The following ZNF316 variants were observed in gnomAD, a reference collection of about 807,000 sequenced individuals.
ZNF316 encodes the protein zinc finger protein 316.
A neutral mutation model predicts 75.6 loss-of-function variants in ZNF316; 23 were observed. The observed-to-expected ratio is 0.30, with a 90% CI of 0.22 to 0.43. The LOEUF (loss-of-function observed/expected upper bound fraction) is 0.43. ZNF316 is among the 20% of genes least tolerant of loss of function. ZNF316 has a pLI of 1.00. For missense variants in ZNF316, 1,266 were observed against 1,409.4 expected, an observed-to-expected ratio of 0.90 and a Z score of 1.63; for synonymous variants, 827 against 666.2, an observed-to-expected ratio of 1.24 and a Z score of -3.72.
rs925478405 is a variant in ZNF316, at chr7:6,637,331, A to T, written c.-547A>T. 2 of 149,202 alleles carry T rather than the reference A, an allele frequency of 1.3e-5. No individual in the cohort carries two copies. Among genetic ancestry groups the T allele is most frequent in the African/African-American group, 4.9e-5 (2 of 40,706 alleles). The allele number at this position is 149,202 out of a possible 1,614,324, so 9.2% of individuals were successfully genotyped here. A position where few individuals can be genotyped will look rare whatever the true frequency, so the allele number is the denominator to read the frequency against. ...CCGGCCGGCGGTACTTCCGGTGCCC[A>T]CGCGCCGCCGTCGCGCAGCTCCCGG... is the stretch of plus-strand genomic sequence containing the variant. On this transcript the variant is annotated 5_prime_UTR_variant, in exon 1 of 9. Transcript: ENST00000382252. The surrounding 1 kb of genome is among the most constrained non-coding windows in gnomAD (Gnocchi z 6.2).
rs1026736131 is a variant in ZNF316 at position 6,639,464 on chromosome 7, C to G, written c.-167+323C>G. On this transcript the variant is annotated intron_variant, in intron 3 of 8. Coordinates refer to ENST00000382252, the MANE Select transcript of ZNF316 (RefSeq NM_001278559.2). The surrounding 1 kb of genome is among the most constrained non-coding windows in gnomAD (Gnocchi z 4.2). ...GGAAGAATTACAGGGAACTGTGTCA[C>G]CCACTGGGGCCCAGGGGGCTGCCTC... Among the ~76,000 whole-genome samples, 7 of 152,134 alleles carry G rather than the reference C, an allele frequency of 4.6e-5. No individual in the cohort carries two copies. Among genetic ancestry groups the G allele is most frequent in the Non-Finnish European group, 1.0e-4 (7 of 68,030 alleles).
intron 2 of ZNF316, among the ~76,000 whole-genome samples, chr7:6,638,431 T>C (rs1473354322): frequency 6.6e-6 from 1 of 152,188 alleles, no homozygotes; most frequent in Non-Finnish European, 1.5e-5. Flanking sequence ...TGAAGGGGGC[T>C]AGACACAAGC....
chr7:6,646,037 C>T (rs1237718415), intron 8 of ZNF316, among the ~76,000 whole-genome samples: 1 of 151,572 alleles, frequency 6.6e-6, no homozygotes, highest in Non-Finnish European at 1.5e-5. Flanking sequence ...AGAACTCCCT[C>T]ACTATCATGA....
Position 6,654,855 on chromosome 7 carries a change from A to C in ZNF316, c.*244A>C. The C allele has an allele frequency of 1.8e-5, 5 of 273,590 alleles. No individual in the cohort carries two copies. Among genetic ancestry groups the C allele is most frequent in the South Asian group, 1.7e-4 (1 of 5,938 alleles). 16.9% of individuals were successfully genotyped at this position (273,590 alleles called of 1,614,324 possible). On this transcript the variant is annotated 3_prime_UTR_variant, in exon 9 of 9. Coordinates refer to ENST00000382252, the MANE Select transcript of ZNF316 (RefSeq NM_001278559.2). ...GCAGCGAGGCCAGGACGTCACCCCC[A>C]CGGAGACTGCGATATCCCCTGGGTG...
At chr7:6,652,268 A>C (rs1583446434) in intron 8 of ZNF316, 35 bp from the exon 9 acceptor site, 2 of 1,231,958 alleles carry the variant, frequency 1.6e-6, no homozygotes, top group Non-Finnish European at 2.0e-6. Flanking sequence ...AAGTTCACTT[A>C]CCTCTCTCTT....
In ZNF316 at chr7:6,656,986, A is replaced by C. The variant is rs567985074; in HGVS notation, c.*2375A>C. Among the ~76,000 whole-genome samples, 20 of 152,280 alleles carry C rather than the reference A, an allele frequency of 1.3e-4. No individual in the cohort carries two copies. In the South Asian group the frequency reaches 2.1e-3, roughly 16 times the overall value. ...GAAAAATAAGAACTGCTGTAATCAA[A>C]TGTGATCTGGAGGCATCAGAACAGA... On this transcript the variant is annotated 3_prime_UTR_variant, in exon 9 of 9. Coordinates refer to ENST00000382252, the MANE Select transcript of ZNF316 (RefSeq NM_001278559.2).
chr7:6,644,342 C>T, intron 7 of ZNF316, 138 bp from the exon 8 acceptor site: 1 of 434,890 alleles, frequency 2.3e-6, no homozygotes, highest in Non-Finnish European at 3.8e-6. Flanking sequence ...CCGCCTGGAC[C>T]CTCCAGAGCA....
Position 6,658,066 on chromosome 7 carries a change from TC to T in ZNF316, c.*3459del, listed in dbSNP as rs1779657139. Among the ~76,000 whole-genome samples the T allele has an allele frequency of 1.3e-5, 2 of 152,060 alleles. No individual in the cohort carries two copies. The highest frequency in any genetic ancestry group is 2.9e-5 in the Non-Finnish European group (2 of 68,026). On this transcript the variant is annotated 3_prime_UTR_variant, in exon 9 of 9. Transcript: ENST00000382252. Reference sequence around the variant, plus strand: ...GGTCCCTCAGCCCTGAGCGTCACTTTCCCCTCCATCTACCTTTGTTATTTCC... The same window carrying T: ...GGTCCCTCAGCCCTGAGCGTCACTTTCCCTCCATCTACCTTTGTTATTTCC...
chr7:6,652,953 G>A lies in ZNF316; in HGVS notation c.1357G>A (p.Gly453Ser), dbSNP rs2115319735. ...YLVTHQRTHTGERPYPCSHCG... is the reference protein window; with the variant it reads ...YLVTHQRTHTSERPYPCSHCG... ...GGTCACGCACCAGCGCACGCACACC[G>A]GCGAGCGACCCTACCCGTGTTCGCA... Residue 453 changes from glycine to serine, a missense_variant, in exon 9 of 9, where the codon GGC becomes AGC. Transcript: ENST00000382252. 8.0e-7 allele frequency: 1 copy of A among 1,243,446 alleles called. No individual in the cohort carries two copies. Among genetic ancestry groups the A allele is most frequent in the Non-Finnish European group, 1.0e-6 (1 of 993,260 alleles). The allele number at this position is 1,243,446 out of a possible 1,614,324, so 77.0% of individuals were successfully genotyped here. A position where few individuals can be genotyped will look rare whatever the true frequency, so the allele number is the denominator to read the frequency against.
chr7:6,652,641 G>C lies in ZNF316; in HGVS notation c.1045G>C (p.Val349Leu), dbSNP rs1583446787. 1.6e-6 allele frequency: 2 copies of C among 1,230,824 alleles called. No individual in the cohort carries two copies. Among genetic ancestry groups the C allele is most frequent in the Non-Finnish European group, 2.0e-6 (2 of 987,190 alleles). 76.2% of individuals were successfully genotyped at this position (1,230,824 alleles called of 1,614,324 possible). ...CGGGAGGCCGGAGACCACGTGCGAC[G>C]TGTGCGGCAAGGTCTTCCCGCACCG... ...PAGRPETTCD[V>L]CGKVFPHRSR... The change falls in exon 9 of 9, where the codon GTG becomes CTG. Residue 349 changes from valine to leucine, a missense_variant. Around this residue, in one of 3 missense-constraint regions of ZNF316, gnomAD observed 961 missense variants for 990.9 expected, o/e 0.97. Coordinates refer to ENST00000382252, the MANE Select transcript of ZNF316 (RefSeq NM_001278559.2).
rs1197926425 is a variant in ZNF316, at chr7:6,653,366, C to A, written c.1770C>A (p.Gly590=). Residue 590 remains glycine (G), a synonymous_variant, in exon 9 of 9, where the codon GGC becomes GGA. Transcript: ENST00000382252. ...GCAACGGCCTGGGGGAGGGCGAAGG[C>A]CCCTCCTCCCACCCGCTGGGCTTCC... The part of the protein sequence containing the change: ...ELGNGLGEGE[G]PSSHPLGFHF... 8.2e-7 allele frequency: 1 copy of A among 1,226,230 alleles called. No individual in the cohort carries two copies. Among genetic ancestry groups the A allele is most frequent in the South Asian group, 4.1e-5 (1 of 24,306 alleles). The allele number at this position is 1,226,230 out of a possible 1,614,324, so 76.0% of individuals were successfully genotyped here.
chr7:6,638,344 G>A (rs1328301216), intron 2 of ZNF316, among the ~76,000 whole-genome samples: 37 of 152,294 alleles, frequency 2.4e-4, no homozygotes, highest in Non-Finnish European at 2.9e-5. Context: ...GGACTGTGGT[G>A]GTCGGGGAAG....
chr7:6,651,298 C>T (rs563516032), intron 8 of ZNF316, among the ~76,000 whole-genome samples: 10 of 151,136 alleles, frequency 6.6e-5, no homozygotes, highest in East Asian at 2.0e-4. Flanking sequence ...TGCGGTGGGC[C>T]GAGATTCGGC....
chr7:6,642,160 C>G lies in ZNF316; in HGVS notation c.-29+198C>G. ...TGAGACTGGCATCCCAGGGGTCACGCGGAGGGGCCATTGGGGCAGCCTTTC... is the reference window on the plus strand; with the variant it reads ...TGAGACTGGCATCCCAGGGGTCACGGGGAGGGGCCATTGGGGCAGCCTTTC... On this transcript the variant is annotated intron_variant, in intron 4 of 8. Transcript: ENST00000382252. The surrounding 1 kb of genome is among the most constrained non-coding windows in gnomAD (Gnocchi z 8.1). The G allele has an allele frequency of 2.7e-6, 1 of 374,212 alleles. No homozygotes were observed. Among genetic ancestry groups the G allele is most frequent in the Non-Finnish European group, 4.8e-6 (1 of 210,484 alleles). 23.2% of individuals were successfully genotyped at this position (374,212 alleles called of 1,614,324 possible). A position where few individuals can be genotyped will look rare whatever the true frequency, so the allele number is the denominator to read the frequency against.
chr7:6,654,498 C>T lies in ZNF316; in HGVS notation c.2902C>T (p.Pro968Ser), dbSNP rs1562585098. 8.5e-7 allele frequency: 1 copy of T among 1,178,966 alleles called. No individual in the cohort carries two copies. 73.0% of individuals were successfully genotyped at this position (1,178,966 alleles called of 1,614,324 possible). A position where few individuals can be genotyped will look rare whatever the true frequency, so the allele number is the denominator to read the frequency against. The change falls in exon 9 of 9, where the codon CCC (proline) becomes TCC (serine). Residue 968 changes from proline (P) to serine (S), a missense_variant. By Grantham distance (74) the Pro-to-Ser change is moderately conservative. Coordinates refer to ENST00000382252, the MANE Select transcript of ZNF316 (RefSeq NM_001278559.2). ...AAAKGPSSAG[P>S]GERGSALLEF... ...CGCCAAGGGGCCGTCCAGTGCCGGCCCCGGTGAGCGCGGCAGCGCCCTGCT... is the reference window on the plus strand; with the variant it reads ...CGCCAAGGGGCCGTCCAGTGCCGGCTCCGGTGAGCGCGGCAGCGCCCTGCT...
At position 6,640,971 on chromosome 7, in the gene ZNF316, C is replaced by G. The variant is rs142736743; in HGVS notation, c.-166-854C>G. On this transcript the variant is annotated intron_variant, in intron 3 of 8. Coordinates refer to ENST00000382252, the MANE Select transcript of ZNF316 (RefSeq NM_001278559.2). This position sits in a 1 kb window ranked among gnomAD's most constrained non-coding sequence, Gnocchi z 5.1. Reference sequence around the variant, plus strand: ...CTGTTGAACTGTGAGTGAATGAAACCTTTTTTCTTTGCCACTTACTCAGCC... The same window carrying G: ...CTGTTGAACTGTGAGTGAATGAAACGTTTTTTCTTTGCCACTTACTCAGCC... Among the ~76,000 whole-genome samples the G allele has an allele frequency of 9.9e-4, 151 of 152,288 alleles. 1 individual carries two copies. Among genetic ancestry groups the G allele is most frequent in the African/African-American group, 2.8e-3 (115 of 41,558 alleles).
Position 6,642,674 on chromosome 7 carries a change from G to A in ZNF316, c.265G>A (p.Val89Met). 8.1e-7 allele frequency: 1 copy of A among 1,236,824 alleles called. No individual in the cohort carries two copies. Among genetic ancestry groups the A allele is most frequent in the Non-Finnish European group, 1.0e-6 (1 of 991,250 alleles). 76.6% of individuals were successfully genotyped at this position (1,236,824 alleles called of 1,614,324 possible). The change falls in exon 5 of 9, where the codon GTG becomes ATG. Residue 89 changes from valine to methionine, a missense_variant. By Grantham distance (21) the Val-to-Met change is conservative. Around this residue, in one of 3 missense-constraint regions of ZNF316, gnomAD observed 961 missense variants for 990.9 expected, o/e 0.97. Coordinates refer to ENST00000382252, the MANE Select transcript of ZNF316 (RefSeq NM_001278559.2). The surrounding 1 kb of genome is among the most constrained non-coding windows in gnomAD (Gnocchi z 8.1). ...ADVEEEDVKE[V>M]LAEEECPALG... Reference sequence around the variant, plus strand: ...CGTGGAGGAGGAGGATGTGAAGGAGGTGCTGGCAGAGGAGGAGTGTCCGGC... The same window carrying A: ...CGTGGAGGAGGAGGATGTGAAGGAGATGCTGGCAGAGGAGGAGTGTCCGGC...
In ZNF316 at chr7:6,651,220, G is replaced by A. The variant is rs191828863; in HGVS notation, c.707-1083G>A. ...TCATCATCATCATCATCATCTGGGC[G>A]CACGCCTGTAACTCCAGTTACTCGG... On this transcript the variant is annotated intron_variant, in intron 8 of 8. Coordinates refer to ENST00000382252, the MANE Select transcript of ZNF316 (RefSeq NM_001278559.2). Among the ~76,000 whole-genome samples, 344 of 151,912 alleles carry A rather than the reference G, an allele frequency of 2.3e-3. 2 individuals carry two copies. Among genetic ancestry groups the A allele is most frequent in the African/African-American group, 7.9e-3 (329 of 41,390 alleles).
In ZNF316 at chr7:6,640,613, T is replaced by C. The variant is rs1221109836; in HGVS notation, c.-166-1212T>C. On this transcript the variant is annotated intron_variant, in intron 3 of 8. Coordinates refer to ENST00000382252, the MANE Select transcript of ZNF316 (RefSeq NM_001278559.2). The surrounding 1 kb of genome is among the most constrained non-coding windows in gnomAD (Gnocchi z 5.1). ...GGGGATTACGGTTCAGCGTGAGATCTGGGCGGGGACAAACATCCAGGCTCC... is the reference window on the plus strand; with the variant it reads ...GGGGATTACGGTTCAGCGTGAGATCCGGGCGGGGACAAACATCCAGGCTCC... Among the ~76,000 whole-genome samples the C allele has an allele frequency of 1.3e-5, 2 of 152,164 alleles. No homozygotes were observed. The highest frequency in any genetic ancestry group is 1.3e-4 in the Admixed American group (2 of 15,286).
Sources: gnomAD v4.1 joint callset for allele counts (sites outside exome capture counted in the v4.1 genomes callset) on GRCh38, gnomAD v4.1.1 for gene constraint, gnomAD v4.1.1 regional missense constraint, Gnocchi (gnomAD v3.1) non-coding constraint, MANE v1.5 for transcripts, NCBI Gene and HGNC (gene_info 2026-07-23, HGNC 2026-07-21) for gene names.